DAAM2: variants seen among roughly 807,000 people sequenced by gnomAD.
DAAM2 encodes dishevelled associated activator of morphogenesis 2.
A neutral mutation model predicts 120.7 loss-of-function variants in DAAM2; 39 were observed. The ratio of observed to expected loss-of-function variants is 0.32; its 90% CI spans 0.25 to 0.42. DAAM2 has a LOEUF of 0.42. Among genes scored for constraint, DAAM2 ranks in the 10% least tolerant of loss-of-function variants. The pLI is 1.00. For synonymous variants in DAAM2, 488 were observed against 524.9 expected, an observed-to-expected ratio of 0.93 and a Z score of 0.96; for missense variants, 1,283 against 1,401.7, an observed-to-expected ratio of 0.92 and a Z score of 1.35.
intron 1 of DAAM2, among the ~76,000 whole-genome samples, chr6:39,818,139 A>C (rs911936544): frequency 4.0e-5 from 6 of 148,478 alleles, no homozygotes; most frequent in Non-Finnish European, 1.5e-5. Context: ...AGGTGGCGTC[A>C]CTGCACTCCA....
chr6:39,868,952 G>T lies in DAAM2; in HGVS notation c.873+19G>T. On this transcript the variant is annotated intron_variant, in intron 7 of 24. Transcript: ENST00000274867. ...TGGAGAGGTGGGGTGCCTTCTCCTT[G>T]CCCTTGCTGTTCCCTGACTTTCTGG... 1 of 1,516,618 alleles carries T rather than the reference G, an allele frequency of 6.6e-7. No homozygotes were observed. Among genetic ancestry groups the T allele is most frequent in the Admixed American group, 1.9e-5 (1 of 51,740 alleles). The allele number at this position is 1,516,618 out of a possible 1,614,324, so 93.9% of individuals were successfully genotyped here. A position where few individuals can be genotyped will look rare whatever the true frequency, so the allele number is the denominator to read the frequency against.
intron 1 of DAAM2, chr6:39,821,251 C>T (rs1028184924): frequency 6.6e-6 from 1 of 152,228 alleles, no homozygotes; most frequent in African/African-American, 2.4e-5. Flanking sequence ...TGGGACACTC[C>T]TGGGCTGGAT....
At chr6:39,871,432 A>C in intron 8 of DAAM2, 74 bp from the exon 9 acceptor site, 18 of 1,380,798 alleles carry the variant, frequency 1.3e-5, no homozygotes, top group Non-Finnish European at 1.7e-5. Flanking sequence ...GGGGGCTCGA[A>C]GGGGCTGTAA....
At chr6:39,824,757 G>A (rs944701253) in intron 1 of DAAM2, among the ~76,000 whole-genome samples, 50 of 152,150 alleles carry the variant, frequency 3.3e-4, no homozygotes, top group African/African-American at 1.2e-3. Flanking sequence ...CAGGTTCCGC[G>A]GAAGTCGCAT....
In DAAM2 at chr6:39,868,865, G is replaced by C; in HGVS notation, c.805G>C (p.Asp269His). 1 of 1,589,306 alleles carries C rather than the reference G, an allele frequency of 6.3e-7. No homozygotes were observed. Among genetic ancestry groups the C allele is most frequent in the Non-Finnish European group, 8.6e-7 (1 of 1,167,802 alleles). Residue 269 changes from aspartate (D) to histidine (H), a missense_variant, in exon 7 of 25, where the codon GAT (aspartate) becomes CAT (histidine). Asp to His is a moderately conservative substitution (Grantham distance 81, BLOSUM62 -1). Around this residue, in one of 3 missense-constraint regions of DAAM2, gnomAD observed 338 missense variants for 443.9 expected, o/e 0.76. Coordinates refer to ENST00000274867, the MANE Select transcript of DAAM2 (RefSeq NM_001201427.2). ...AGACCGAAGTCTGGGCCGGTACCGG[G>C]ATGAAGTGAATCTGAAAACAGCCAT... ...ELDRSLGRYR[D>H]EVNLKTAIMS...
intron 21 of DAAM2, among the ~76,000 whole-genome samples, chr6:39,898,129 C>T (rs1368571512): frequency 1.3e-5 from 2 of 152,208 alleles, no homozygotes; most frequent in Admixed American, 1.3e-4. Context: ...ATTATTAAGC[C>T]AGTTACCAAT....
At chr6:39,856,534 G>A (rs1764012924) in intron 2 of DAAM2, 64 bp downstream of exon 2, 1 of 1,292,596 alleles carries the variant, frequency 7.7e-7, no homozygotes, top group Non-Finnish European at 1.0e-6. Flanking sequence ...AGGCAGAGCT[G>A]GACAGAGGGC....
intron 21 of DAAM2, among the ~76,000 whole-genome samples, chr6:39,897,781 G>A (rs986340711): frequency 6.6e-6 from 1 of 152,178 alleles, no homozygotes; most frequent in Non-Finnish European, 1.5e-5. Context: ...CCAGTCTGAG[G>A]ATAGGTAAAA....
chr6:39,845,476 AC>A (rs1350756235), intron 1 of DAAM2, among the ~76,000 whole-genome samples: 1 of 143,066 alleles, frequency 7.0e-6, no homozygotes, highest in Non-Finnish European at 1.5e-5. Context: ...CACACCACAT[AC>A]ACATATACCA....
intron 15 of DAAM2, chr6:39,886,124 G>A (rs768529122): frequency 3.0e-5 from 10 of 331,440 alleles, no homozygotes; most frequent in Non-Finnish European, 4.4e-5. Context: ...GCCTGGGGTG[G>A]GAGAACTCAG....
In DAAM2 at chr6:39,902,074, G is replaced by A. The variant is rs753400930; in HGVS notation, c.*37G>A. The stretch of plus-strand genomic sequence containing the variant: ...AGCCACACAGGAGGCCGGGAGACAG[G>A]GACTGGTGAGAATGGGGCTGAGTGG... On this transcript the variant is annotated 3_prime_UTR_variant, in exon 25 of 25. Transcript: ENST00000274867. The A allele has an allele frequency of 3.9e-6, 6 of 1,545,912 alleles. No individual in the cohort carries two copies. The highest frequency in any genetic ancestry group is 5.3e-6 in the Non-Finnish European group (6 of 1,131,754).
Position 39,883,966 on chromosome 6 carries a change from G to A in DAAM2, c.1850G>A (p.Arg617His), listed in dbSNP as rs34699846. 1,387 of 1,610,488 alleles carry A rather than the reference G, an allele frequency of 8.6e-4. 13 individuals are homozygous for A. The African/African-American group carries it at 0.015, about 17-fold the overall frequency. The change falls in exon 15 of 25, where the codon CGT (arginine) becomes CAT (histidine). Residue 617 changes from arginine to histidine, a missense_variant. Transcript: ENST00000274867. ...SFNWVKLNEE[R>H]VPGTVWNEID... ...TCTCCCTACCCTGAATTTTAGGAGC[G>A]TGTCCCTGGCACCGTATGGAATGAG...
chr6:39,888,673 C>T lies in DAAM2; in HGVS notation c.2061-6C>T. The stretch of plus-strand genomic sequence containing the variant: ...TGTCCTGGATTGAGGTGGGGTTTTG[C>T]CTTAGGTTGAAGCTTTCTAACGAGG... On this transcript the variant is annotated splice_region_variant and splice_polypyrimidine_tract_variant and intron_variant, in intron 16 of 24. Coordinates refer to ENST00000274867, the MANE Select transcript of DAAM2 (RefSeq NM_001201427.2). 1 of 1,612,440 alleles carries T rather than the reference C, an allele frequency of 6.2e-7. No homozygotes were observed. The highest frequency in any genetic ancestry group is 8.5e-7 in the Non-Finnish European group (1 of 1,178,924).
intron 1 of DAAM2, among the ~76,000 whole-genome samples, chr6:39,806,442 G>A (rs1762011761): frequency 6.6e-6 from 1 of 152,022 alleles, no homozygotes; most frequent in African/African-American, 2.4e-5. Context: ...GAAGGTGAAG[G>A]GTATGATGAA....
chr6:39,792,824 G>A (rs1185201308), intron 1 of DAAM2, among the ~76,000 whole-genome samples: 1 of 152,226 alleles, frequency 6.6e-6, no homozygotes, highest in Non-Finnish European at 1.5e-5. Context: ...AAACACAGAA[G>A]ATACCCCGCA....
rs1766158024 is a variant in DAAM2, at chr6:39,897,157, C to T, written c.2511-18C>T. On this transcript the variant is annotated intron_variant, in intron 20 of 24. Transcript: ENST00000274867. Reference sequence around the variant, plus strand: ...AGTTTCCTCTGTCACTTACCACTGACCTGACTTTCATCCACAGAAACATCT... The same window carrying T: ...AGTTTCCTCTGTCACTTACCACTGATCTGACTTTCATCCACAGAAACATCT... The T allele has an allele frequency of 6.3e-7, 1 of 1,596,472 alleles. No homozygotes were observed. The highest frequency in any genetic ancestry group is 2.2e-5 in the East Asian group (1 of 44,786).
chr6:39,868,987 A>G, intron 7 of DAAM2, 54 bp downstream of exon 7: 1 of 1,262,774 alleles, frequency 7.9e-7, no homozygotes, highest in Non-Finnish European at 1.1e-6. Context: ...GACCTGGGGT[A>G]GAGTGTGTGA....
chr6:39,892,900 A>G (rs1002310582), intron 19 of DAAM2, among the ~76,000 whole-genome samples: 2 of 152,214 alleles, frequency 1.3e-5, no homozygotes, highest in African/African-American at 4.8e-5. Context: ...AGGGACCTGC[A>G]GGTGGTAAGC....
chr6:39,827,527 G>A (rs1762718003), intron 1 of DAAM2, among the ~76,000 whole-genome samples: 3 of 152,140 alleles, frequency 2.0e-5, no homozygotes, highest in Admixed American at 2.0e-4. Flanking sequence ...CCCAGGGAAT[G>A]GTGGCCCTCA....
Sources: gnomAD v4.1 joint callset for allele counts (sites outside exome capture counted in the v4.1 genomes callset) on GRCh38, gnomAD v4.1.1 for gene constraint, gnomAD v4.1.1 regional missense constraint, MANE v1.5 for transcripts, NCBI Gene and HGNC (gene_info 2026-07-23, HGNC 2026-07-21) for gene names.